Variants in ANXA11 observed in about 807,000 individuals in gnomAD.
ANXA11 encodes 56 kDa autoantigen.
In ANXA11, 57 loss-of-function variants were observed where a neutral mutation model predicts 64.7. That is an observed-to-expected ratio of 0.88 (90% CI 0.71 to 1.10). The LOEUF (loss-of-function observed/expected upper bound fraction) is 1.10. Among genes scored for constraint, ANXA11 ranks in the 50% least tolerant of loss-of-function variants. The probability of loss-of-function intolerance (pLI) is 0.00; values close to 1 mark genes in which losing one functional copy is unlikely to be tolerated. For missense variants in ANXA11, 675 were observed against 670.7 expected, an observed-to-expected ratio of 1.01 and a Z score of -0.07; for synonymous variants, 260 against 265.2, an observed-to-expected ratio of 0.98 and a Z score of 0.19.
chr10:80,166,364 C>T (rs1267127577), intron 7 of ANXA11, 167 bp from the exon 8 acceptor site: 2 of 569,024 alleles, frequency 3.5e-6, no homozygotes, highest in Non-Finnish European at 6.2e-6. Flanking sequence ...CCCCAAACCT[C>T]CCAAATCAGA....
chr10:80,157,040 T>C, intron 15 of ANXA11: 1 of 985,416 alleles, frequency 1.0e-6, no homozygotes, highest in Non-Finnish European at 1.2e-6. Flanking sequence ...CTGTGGCTAG[T>C]GTTTAATAGA....
intron 1 of ANXA11, among the ~76,000 whole-genome samples, chr10:80,203,697 T>C (rs954153290): frequency 6.6e-6 from 1 of 152,126 alleles, no homozygotes; most frequent in Non-Finnish European, 1.5e-5. Context: ...ACCGAGTCAG[T>C]GCCAGAAGGG....
chr10:80,151,040 T>C lies in ANXA11; in HGVS notation c.*4813A>G, dbSNP rs752243801. ...TTGTGGAATTTCCTATTCCATTTCG[T>C]TGACCACATTAAAGTTTTAGAAGCT... is the stretch of plus-strand genomic sequence containing the variant. On this transcript the variant is annotated 3_prime_UTR_variant, in exon 16 of 16. Transcript: ENST00000422982. 11 of 152,230 alleles carry C rather than the reference T, an allele frequency of 7.2e-5. No individual in the cohort carries two copies. The highest frequency in any genetic ancestry group is 1.5e-4 in the Non-Finnish European group (10 of 68,032). The allele number at this position is 152,230 out of a possible 1,614,324, so 9.4% of individuals were successfully genotyped here.
chr10:80,161,822 G>A lies in ANXA11; in HGVS notation c.1180+113C>T. The A allele has an allele frequency of 3.3e-6, 3 of 896,352 alleles. No individual in the cohort carries two copies. In the East Asian group the frequency reaches 7.4e-5, roughly 22 times the overall value. 55.5% of individuals were successfully genotyped at this position (896,352 alleles called of 1,614,324 possible). A position where few individuals can be genotyped will look rare whatever the true frequency, so the allele number is the denominator to read the frequency against. On this transcript the variant is annotated intron_variant, in intron 12 of 15. Coordinates refer to ENST00000422982, the MANE Select transcript of ANXA11 (RefSeq NM_145868.2). Reference sequence around the variant, plus strand: ...TCCCACCAGGGGGCTCTTTTGAGGAGGCGAAAGCCCCACGCAGGGAGGAAC... The same window carrying A: ...TCCCACCAGGGGGCTCTTTTGAGGAAGCGAAAGCCCCACGCAGGGAGGAAC...
At chr10:80,157,364 C>T (rs902435673) in intron 15 of ANXA11, 4 of 985,290 alleles carry the variant, frequency 4.1e-6, no homozygotes, top group Admixed American at 6.1e-5. Context: ...ACACGGTGAT[C>T]GGAACGCTGA....
At chr10:80,194,875 C>CAGCT (rs1191698710) in intron 1 of ANXA11, among the ~76,000 whole-genome samples, 1 of 152,208 alleles carries the variant, frequency 6.6e-6, no homozygotes, top group African/African-American at 2.4e-5. Flanking sequence ...GGGCTGGCAA[C>CAGCT]AGCTGCGCAC....
chr10:80,182,859 C>T (rs949269508), intron 1 of ANXA11, among the ~76,000 whole-genome samples: 3 of 152,138 alleles, frequency 2.0e-5, no homozygotes, highest in African/African-American at 7.2e-5. Flanking sequence ...TGGGACTGAG[C>T]CCTTTAACCT....
intron 7 of ANXA11, 118 bp from the exon 8 acceptor site, chr10:80,166,315 C>T (rs1025854412): frequency 3.2e-6 from 2 of 618,942 alleles, no homozygotes; most frequent in Non-Finnish European, 2.8e-6. Context: ...GCATGGACAT[C>T]CCCCAGGGGC....
In ANXA11 at chr10:80,161,955, C is replaced by T. The variant is rs758231628; in HGVS notation, c.1160G>A (p.Ser387Asn). 40 of 1,612,046 alleles carry T rather than the reference C, an allele frequency of 2.5e-5. No individual in the cohort carries two copies. The highest frequency in any genetic ancestry group is 3.2e-5 in the Non-Finnish European group (38 of 1,179,498). The part of the protein sequence containing the change: ...SKFNAVLCSR[S>N]RAHLVAVFNE... Reference sequence around the variant, plus strand: ...CTTACCTGCTACCAGGTGGGCCCGGCTCCGGGAGCACAGAACCGCATTGAA... The same window carrying T: ...CTTACCTGCTACCAGGTGGGCCCGGTTCCGGGAGCACAGAACCGCATTGAA... The change falls in exon 12 of 16, where the codon AGC becomes AAC. Residue 387 changes from serine to asparagine, a missense_variant. By Grantham distance (46) the Ser-to-Asn change is conservative (BLOSUM62 1). Transcript: ENST00000422982.
chr10:80,172,151 A>G (rs1845999507), intron 3 of ANXA11, among the ~76,000 whole-genome samples: 1 of 152,160 alleles, frequency 6.6e-6, no homozygotes, highest in Non-Finnish European at 1.5e-5. Context: ...CCTTGGTCTC[A>G]TGAGCCCTCA....
At chr10:80,171,348 G>T in intron 3 of ANXA11, 1 of 739,662 alleles carries the variant, frequency 1.4e-6, no homozygotes, top group Non-Finnish European at 1.7e-6. Flanking sequence ...AGGGGGTTTG[G>T]CTGTTTGCTA....
At chr10:80,201,461 C>T (rs1322175213) in intron 1 of ANXA11, among the ~76,000 whole-genome samples, 2 of 152,164 alleles carry the variant, frequency 1.3e-5, no homozygotes, top group Non-Finnish European at 2.9e-5. Flanking sequence ...CCCAGACCCA[C>T]CAGCTTATTT....
chr10:80,187,685 A>G (rs928578505), intron 1 of ANXA11, among the ~76,000 whole-genome samples: 5 of 152,300 alleles, frequency 3.3e-5, no homozygotes, highest in African/African-American at 1.2e-4. Flanking sequence ...CCACTTCCGC[A>G]AGGGGAAGCC....
chr10:80,168,254 G>A (rs1845825272), intron 5 of ANXA11, among the ~76,000 whole-genome samples: 1 of 146,800 alleles, frequency 6.8e-6, no homozygotes, highest in Non-Finnish European at 1.5e-5. Context: ...GTCTGTGCCG[G>A]GGGGGGCGGG....
intron 1 of ANXA11, among the ~76,000 whole-genome samples, chr10:80,202,487 A>C (rs1325169840): frequency 6.6e-6 from 1 of 152,166 alleles, no homozygotes; most frequent in African/African-American, 2.4e-5. Flanking sequence ...ATTGAATTGC[A>C]ACAACTCCCT....
intron 8 of ANXA11, 52 bp downstream of exon 8, chr10:80,166,032 A>ACGCATGCGCACGTGCG: frequency 2.1e-6 from 2 of 964,348 alleles, no homozygotes; most frequent in South Asian, 1.5e-5. Flanking sequence ...GCGCGTGCGC[A>ACGCATGCGCACGTGCG]CACACGCGCG....
At chr10:80,194,260 A>G (rs544541183) in intron 1 of ANXA11, among the ~76,000 whole-genome samples, 2 of 152,236 alleles carry the variant, frequency 1.3e-5, no homozygotes, top group East Asian at 1.9e-4. Context: ...GACTCTGTGA[A>G]CTCACTGCTA....
intron 9 of ANXA11, 82 bp downstream of exon 9, chr10:80,163,971 C>G: frequency 8.1e-7 from 1 of 1,227,026 alleles, no homozygotes; most frequent in Non-Finnish European, 1.2e-6. Flanking sequence ...GTAAAAGGCC[C>G]TAGGAGAGAA....
intron 15 of ANXA11, chr10:80,156,606 C>T (rs1454461297): frequency 1.1e-5 from 4 of 362,442 alleles, no homozygotes; most frequent in African/African-American, 2.2e-5. Context: ...CTCTGTCTCC[C>T]GGGTTCAAGC....
Sources: allele counts gnomAD v4.1 joint callset (sites outside exome capture counted in the v4.1 genomes callset), GRCh38; gene constraint gnomAD v4.1.1; transcripts MANE v1.5; gene names NCBI Gene and HGNC (gene_info 2026-07-23, HGNC 2026-07-21).